The following ATAD2B variants were observed in gnomAD, a reference collection of about 807,000 sequenced individuals.
ATAD2B encodes ATPase family AAA domain containing 2B, also known as ATPase family AAA domain-containing protein 2B.
In ATAD2B, 40 loss-of-function variants were observed where a neutral mutation model predicts 167.6. The observed-to-expected ratio is 0.24, with a 90% CI of 0.19 to 0.31. The LOEUF (loss-of-function observed/expected upper bound fraction) is 0.31, where lower values mean the gene tolerates loss of function less well. Ranked by LOEUF, ATAD2B falls within the 10% of genes least tolerant of loss-of-function variation. The probability of loss-of-function intolerance (pLI) is 1.00; values close to 1 mark genes in which losing one functional copy is unlikely to be tolerated. For synonymous variants in ATAD2B, 579 were observed against 596.5 expected (o/e 0.97, Z 0.43); for missense variants, 1,242 against 1,757.2 (o/e 0.71, Z 5.24).
intron 7 of ATAD2B, 93 bp from the exon 8 acceptor site, chr2:23,875,997 G>T (rs1021369607): frequency 1.7e-5 from 17 of 972,020 alleles, no homozygotes; most frequent in East Asian, 1.4e-4. Flanking sequence ...TCACTTTTTT[G>T]TTGTTGTTGT....
At chr2:23,703,530 C>A in the ATAD2B span, among the ~76,000 whole-genome samples, 2 of 152,256 alleles carry the variant, frequency 1.3e-5, no homozygotes, top group Non-Finnish European at 2.9e-5. Flanking sequence ...GCCCCCAGCT[C>A]AGGTGTCTGG....
chr2:23,884,783 T>C lies in ATAD2B; in HGVS notation c.766A>G (p.Thr256Ala), dbSNP rs1458508744. The change falls in exon 6 of 28, where the codon ACT becomes GCT. Residue 256 changes from threonine (T) to alanine (A), a missense_variant. Physicochemically the swap from Thr to Ala is moderately conservative, Grantham distance 58 (BLOSUM62 0). Transcript: ENST00000238789. ...TACAAACCTTCTTCTTCACCCTCAG[T>C]AGAAACTTCATGATGATTTTGTATC... ...YGIQNHHEVSTEGEEEESQEE... is the reference protein window; with the variant it reads ...YGIQNHHEVSAEGEEEESQEE... 6.3e-7 allele frequency: 1 copy of C among 1,594,182 alleles called. No individual in the cohort carries two copies.
In ATAD2B at chr2:23,758,045, T is replaced by C. The variant is rs761297082; in HGVS notation, c.3451A>G (p.Lys1151Glu). ...RSQWGKGIIK[K>E]RKVNNLKKDE... ...TTTTTTAAATTATTAACTTTCCTTT[T>C]CTTAATAATTCCTTTACCCCACTGT... The change falls in exon 25 of 28, where the codon AAA becomes GAA. Residue 1151 changes from lysine (K) to glutamate (E), a missense_variant. Transcript: ENST00000238789. The C allele has an allele frequency of 6.2e-7, 1 of 1,606,100 alleles. No individual in the cohort carries two copies. Among genetic ancestry groups the C allele is most frequent in the South Asian group, 1.1e-5 (1 of 89,552 alleles).
intron 17 of ATAD2B, among the ~76,000 whole-genome samples, chr2:23,819,492 C>CCCA (rs1687116326): frequency 1.3e-5 from 1 of 76,206 alleles, no homozygotes; most frequent in African/African-American, 4.6e-5. Flanking sequence ...CTCTGCCTCC[C>CCCA]AAAAAAAAAA....
intron 8 of ATAD2B, among the ~76,000 whole-genome samples, chr2:23,870,486 A>G (rs374932177): frequency 1.3e-5 from 2 of 151,712 alleles, no homozygotes; most frequent in African/African-American, 4.8e-5. Context: ...GAGTTTCACC[A>G]TGTTTCCCAA....
chr2:23,804,145 A>C (rs1683955328), intron 18 of ATAD2B, among the ~76,000 whole-genome samples: 2 of 152,156 alleles, frequency 1.3e-5, no homozygotes, highest in Admixed American at 1.3e-4. Flanking sequence ...TTTTGTACCC[A>C]CTTATAACCT....
chr2:23,698,139 G>T, the ATAD2B span, among the ~76,000 whole-genome samples: 13 of 152,172 alleles, frequency 8.5e-5, no homozygotes, highest in Non-Finnish European at 1.9e-4. Flanking sequence ...GGCCTTCCCT[G>T]GGGGGCAAGG....
chr2:23,882,672 T>A (rs1473141917), intron 6 of ATAD2B, among the ~76,000 whole-genome samples: 1 of 151,106 alleles, frequency 6.6e-6, no homozygotes, highest in Non-Finnish European at 1.5e-5. Context: ...TAGCCAGGCA[T>A]GGTGGCGGGT....
rs1008310332 is a variant in ATAD2B at position 23,892,258 on chromosome 2, G to C, written c.368+3561C>G. 2.5e-4 allele frequency among the ~76,000 whole-genome samples: 38 copies of C among 152,140 alleles called. 1 individual carries two copies. Among genetic ancestry groups the C allele is most frequent in the Admixed American group, 2.5e-3 (38 of 15,276 alleles). On this transcript the variant is annotated intron_variant, in intron 2 of 27. Coordinates refer to ENST00000238789, the MANE Select transcript of ATAD2B (RefSeq NM_017552.4). ...GGCTCATTGCAAGCCCCGCCTCCCTGGTTCACGCCATTCTCCTGCCTCAGC... is the reference window on the plus strand; with the variant it reads ...GGCTCATTGCAAGCCCCGCCTCCCTCGTTCACGCCATTCTCCTGCCTCAGC...
At chr2:23,785,836 T>G in intron 21 of ATAD2B, 191 bp downstream of exon 21, 1 of 483,598 alleles carries the variant, frequency 2.1e-6, no homozygotes, top group African/African-American at 2.0e-5. Flanking sequence ...TATAAATTGG[T>G]CGCTAATTTC....
At chr2:23,855,211 C>CAAG (rs927487416) in intron 13 of ATAD2B, among the ~76,000 whole-genome samples, 7 of 148,456 alleles carry the variant, frequency 4.7e-5, no homozygotes, top group Non-Finnish European at 7.4e-5. Flanking sequence ...AAAAAAAACA[C>CAAG]AAGGACTACA....
chr2:23,912,251 C>G (rs745450496), intron 1 of ATAD2B, among the ~76,000 whole-genome samples: 3 of 152,150 alleles, frequency 2.0e-5, no homozygotes, highest in Middle Eastern at 3.4e-3. Flanking sequence ...GATCCAAGCA[C>G]TTAGGAAGGC....
At chr2:23,780,267 T>TTGTGTGTGTGTGTG (rs67788174) in intron 22 of ATAD2B, among the ~76,000 whole-genome samples, 21 of 144,084 alleles carry the variant, frequency 1.5e-4, no homozygotes, top group African/African-American at 3.6e-4. Context: ...AAGTATATAC[T>TTGTGTGTGTGTGTG]TGTGTGTGTG....
the ATAD2B span, among the ~76,000 whole-genome samples, chr2:23,736,314 T>C: frequency 6.6e-6 from 1 of 152,138 alleles, no homozygotes; most frequent in Non-Finnish European, 1.5e-5. Context: ...TAACTGGAGA[T>C]TTTTGCCTTC....
intron 6 of ATAD2B, among the ~76,000 whole-genome samples, chr2:23,881,319 G>A (rs1217685909): frequency 6.6e-6 from 1 of 151,194 alleles, no homozygotes; most frequent in Non-Finnish European, 1.5e-5. Context: ...AGACTTCTAG[G>A]GTATTGGTAA....
the ATAD2B span, among the ~76,000 whole-genome samples, chr2:23,739,478 A>G: frequency 6.6e-6 from 1 of 152,240 alleles, no homozygotes; most frequent in Non-Finnish European, 1.5e-5. Context: ...TGAAGGCAGA[A>G]ATAAAGATGT....
At chr2:23,703,098 G>A in the ATAD2B span, 1 of 955,346 alleles carries the variant, frequency 1.0e-6, no homozygotes, top group Non-Finnish European at 1.5e-6. Flanking sequence ...AGGGCGAGGA[G>A]CAGATGGCAG....
rs960496380 is a variant in ATAD2B, at chr2:23,751,766, G to A, written c.*280C>T. 1.4e-5 allele frequency: 6 copies of A among 436,426 alleles called. No homozygotes were observed. The highest frequency in any genetic ancestry group is 6.1e-4 in the Middle Eastern group (1 of 1,648). The allele number at this position is 436,426 out of a possible 1,614,324, so 27.0% of individuals were successfully genotyped here. ...AGTGCACAAAAAGAGGAGCAGAAGC[G>A]AGAGCAGTTTCTGTAGCACCAAAAT... On this transcript the variant is annotated 3_prime_UTR_variant, in exon 28 of 28. Transcript: ENST00000238789.
At chr2:23,685,177 C>T in the ATAD2B span, 2 of 152,480 alleles carry the variant, frequency 1.3e-5, no homozygotes, top group African/African-American at 4.8e-5. Flanking sequence ...AACCCTTGCT[C>T]CCTCCCTCCT....
Sources: allele counts gnomAD v4.1 joint callset (sites outside exome capture counted in the v4.1 genomes callset), GRCh38; gene constraint gnomAD v4.1.1; transcripts MANE v1.5; gene names NCBI Gene and HGNC (gene_info 2026-07-23, HGNC 2026-07-21).